SPATA18: variants seen among roughly 807,000 people sequenced by gnomAD.
The protein encoded by SPATA18 is mitochondria-eating protein.
SPATA18 carries 54 observed loss-of-function variants against 68.1 expected under a neutral mutation model. The ratio of observed to expected loss-of-function variants is 0.79; its 90% CI spans 0.64 to 0.99. SPATA18 has a LOEUF of 0.99. Ranked by LOEUF, SPATA18 falls within the 50% of genes least tolerant of loss-of-function variation. The pLI is 0.00. For synonymous variants in SPATA18, 242 were observed against 244.8 expected (o/e 0.99, Z 0.11); for missense variants, 724 against 681.1 (o/e 1.06, Z -0.70).
At chr4:52,063,719 A>G (rs1413522045) in intron 4 of SPATA18, among the ~76,000 whole-genome samples, 1 of 151,492 alleles carries the variant, frequency 6.6e-6, no homozygotes, top group Non-Finnish European at 1.5e-5. Flanking sequence ...ATGCTTGTAT[A>G]CTCTCCTGGT....
In SPATA18 at chr4:52,078,889, T is replaced by C. The variant is rs1319852406; in HGVS notation, c.1175T>C (p.Val392Ala). The C allele has an allele frequency of 6.3e-7, 1 of 1,576,012 alleles. No homozygotes were observed. Among genetic ancestry groups the C allele is most frequent in the Non-Finnish European group, 8.7e-7 (1 of 1,150,702 alleles). ...HLDLYDSQSS[V>A]NDVIRAMNVN... ...GATCTATATGATTCTCAAAGCAGTGTCAATGTAAGTGTTGAGTCTTTTATT... is the reference window on the plus strand; with the variant it reads ...GATCTATATGATTCTCAAAGCAGTGCCAATGTAAGTGTTGAGTCTTTTATT... The change falls in exon 8 of 13, where the codon GTC becomes GCC. Residue 392 changes from valine (V) to alanine (A), a missense_variant. Physicochemically the swap from Val to Ala is moderately conservative, Grantham distance 64. Transcript: ENST00000295213.
chr4:52,059,649 G>T (rs780223071), intron 1 of SPATA18, among the ~76,000 whole-genome samples: 11 of 152,242 alleles, frequency 7.2e-5, no homozygotes, highest in Non-Finnish European at 4.4e-5. Flanking sequence ...CTTGGGTAGA[G>T]CTTGCGCTCA....
chr4:52,053,438 T>C (rs528391788), intron 1 of SPATA18, among the ~76,000 whole-genome samples: 2 of 152,298 alleles, frequency 1.3e-5, no homozygotes, highest in South Asian at 2.1e-4. Context: ...CATTATCACA[T>C]TGGAATGTTG....
chr4:52,054,814 T>G (rs1738196360), intron 1 of SPATA18, among the ~76,000 whole-genome samples: 1 of 151,102 alleles, frequency 6.6e-6, no homozygotes, highest in Non-Finnish European at 1.5e-5. Flanking sequence ...GGTCAGTGAG[T>G]TGCAATTGTT....
At chr4:52,072,275 G>T in intron 6 of SPATA18, 119 bp downstream of exon 6, 1 of 1,447,370 alleles carries the variant, frequency 6.9e-7, no homozygotes, top group South Asian at 1.4e-5. Flanking sequence ...TCAGCAATCT[G>T]CCAAGCTTTG....
At chr4:52,082,849 T>G (rs1404958784) in intron 10 of SPATA18, 1 of 985,282 alleles carries the variant, frequency 1.0e-6, no homozygotes, top group Admixed American at 6.2e-5. Context: ...CCTAAGCACT[T>G]AAAATCAATT....
At chr4:52,087,865 T>G (rs1331817390) in intron 11 of SPATA18, among the ~76,000 whole-genome samples, 7 of 152,208 alleles carry the variant, frequency 4.6e-5, no homozygotes, top group African/African-American at 1.7e-4. Flanking sequence ...TTGGACAGTA[T>G]GGCCATTTTC....
At chr4:52,054,209 C>G (rs1219671628) in intron 1 of SPATA18, among the ~76,000 whole-genome samples, 1 of 152,214 alleles carries the variant, frequency 6.6e-6, no homozygotes, top group African/African-American at 2.4e-5. Context: ...TAGCCACATG[C>G]AGCTCATGGC....
rs756125099 is a variant in SPATA18 at position 52,097,262 on chromosome 4, G to C, written c.*2375G>C. On this transcript the variant is annotated 3_prime_UTR_variant, in exon 13 of 13. Transcript: ENST00000295213. ...TTAAAAAGTGCTTTTGTAACTATTAGTTATTTGCAATAAAATGCTTTCCTT... is the reference window on the plus strand; with the variant it reads ...TTAAAAAGTGCTTTTGTAACTATTACTTATTTGCAATAAAATGCTTTCCTT... The C allele has an allele frequency of 1.3e-5, 2 of 152,110 alleles. No homozygotes were observed. The highest frequency in any genetic ancestry group is 2.9e-5 in the Non-Finnish European group (2 of 68,014). The allele number at this position is 152,110 out of a possible 1,614,324, so 9.4% of individuals were successfully genotyped here.
intron 12 of SPATA18, 55 bp from the exon 13 acceptor site, chr4:52,094,824 CA>C: frequency 1.2e-6 from 2 of 1,609,734 alleles, no homozygotes; most frequent in Non-Finnish European, 1.7e-6. Context: ...TAGGTGCTTC[CA>C]AAAGAAAATC....
chr4:52,062,312 A>T lies in SPATA18; in HGVS notation c.402A>T (p.Gln134His). 6.2e-7 allele frequency: 1 copy of T among 1,610,268 alleles called. No homozygotes were observed. The highest frequency in any genetic ancestry group is 8.5e-7 in the Non-Finnish European group (1 of 1,177,556). The change falls in exon 4 of 13, where the codon CAA becomes CAT. Residue 134 changes from glutamine (Q) to histidine (H), a missense_variant. By Grantham distance (24) the Gln-to-His change is conservative. Transcript: ENST00000295213. Reference sequence around the variant, plus strand: ...CTAATTTGAACTCAACCCGGAGTCAATGCAACCAGGTTCAAGACGAGTAAG... The same window carrying T: ...CTAATTTGAACTCAACCCGGAGTCATTGCAACCAGGTTCAAGACGAGTAAG... ...LDSNLNSTRS[Q>H]CNQVQDDLVE...
intron 9 of SPATA18, among the ~76,000 whole-genome samples, chr4:52,081,707 T>G (rs1740932515): frequency 6.6e-6 from 1 of 152,232 alleles, no homozygotes; most frequent in South Asian, 2.1e-4. Context: ...ATATCTCCTC[T>G]ATTTGTGAAA....
rs78758946 is a variant in SPATA18 at position 52,094,487 on chromosome 4, G to A, written c.1564-40G>A. On this transcript the variant is annotated intron_variant, in intron 11 of 12. Transcript: ENST00000295213. ...CAAAAGAATTCATCCTTTGAGCTCC[G>A]TCTACTATGTAATTCACATTATTCT... 1,161 of 1,591,494 alleles carry A rather than the reference G, an allele frequency of 7.3e-4. 3 individuals are homozygous for A. The highest frequency in any genetic ancestry group is 7.6e-4 in the Non-Finnish European group (881 of 1,160,710).
intron 10 of SPATA18, among the ~76,000 whole-genome samples, chr4:52,084,368 A>G (rs974358086): frequency 6.6e-6 from 1 of 152,188 alleles, no homozygotes; most frequent in African/African-American, 2.4e-5. Context: ...TGGAAAAGAA[A>G]GGGGTTGAAG....
rs758217095 is a variant in SPATA18 at position 52,082,426 on chromosome 4, A to C, written c.1395A>C (p.Leu465Phe). ...RSYDSDFTAPLVLYHVWPALM... is the reference protein window; with the variant it reads ...RSYDSDFTAPFVLYHVWPALM... Reference sequence around the variant, plus strand: ...ACGACTCGGATTTCACTGCTCCCTTAGTCCTCTATCACGTGTGGCCTGCTC... The same window carrying C: ...ACGACTCGGATTTCACTGCTCCCTTCGTCCTCTATCACGTGTGGCCTGCTC... Residue 465 changes from leucine to phenylalanine, a missense_variant, in exon 10 of 13, where the codon TTA becomes TTC. By Grantham distance (22) the Leu-to-Phe change is conservative. Coordinates refer to ENST00000295213, the MANE Select transcript of SPATA18 (RefSeq NM_145263.4). The C allele has an allele frequency of 2.7e-5, 44 of 1,613,996 alleles. No homozygotes were observed. The highest frequency in any genetic ancestry group is 3.5e-5 in the Non-Finnish European group (41 of 1,180,002).
intron 6 of SPATA18, among the ~76,000 whole-genome samples, chr4:52,072,677 A>AT (rs1323951799): frequency 6.6e-6 from 1 of 152,154 alleles, no homozygotes; most frequent in African/African-American, 2.4e-5. Flanking sequence ...AAGTGCTGGG[A>AT]TTACAGGCAT....
At position 52,051,508 on chromosome 4, in the gene SPATA18, C is replaced by T. The variant is rs1737865342; in HGVS notation, c.-197C>T. The T allele has an allele frequency of 3.4e-6, 2 of 594,588 alleles. No individual in the cohort carries two copies. The highest frequency in any genetic ancestry group is 2.1e-5 in the South Asian group (1 of 47,604). 36.8% of individuals were successfully genotyped at this position (594,588 alleles called of 1,614,324 possible). On this transcript the variant is annotated 5_prime_UTR_variant, in exon 1 of 13. Transcript: ENST00000295213. Reference sequence around the variant, plus strand: ...GGCGGATGAGGCGCGGCGGCTGCGGCCCAGGGCACCTCCCCTCTGGCTTCC... The same window carrying T: ...GGCGGATGAGGCGCGGCGGCTGCGGTCCAGGGCACCTCCCCTCTGGCTTCC...
chr4:52,082,703 C>T (rs574782753), intron 10 of SPATA18, 193 bp downstream of exon 10: 1 of 1,431,726 alleles, frequency 7.0e-7, no homozygotes, highest in African/African-American at 1.4e-5. Context: ...TGCATAATTT[C>T]CTGGCAGTAA....
chr4:52,076,969 G>C lies in SPATA18; in HGVS notation c.949G>C (p.Ala317Pro), dbSNP rs1398368252. The C allele has an allele frequency of 3.7e-6, 6 of 1,613,888 alleles. No individual in the cohort carries two copies. Among genetic ancestry groups the C allele is most frequent in the Non-Finnish European group, 5.1e-6 (6 of 1,179,978 alleles). Residue 317 changes from alanine to proline, a missense_variant, in exon 7 of 13, where the codon GCG becomes CCG. By Grantham distance (27) the Ala-to-Pro change is conservative (BLOSUM62 -1). Coordinates refer to ENST00000295213, the MANE Select transcript of SPATA18 (RefSeq NM_145263.4). ...TTCCTATTCCCAGGCCCGCCTGGAC[G>C]CGCAGTGCCTGCTGCGGCGCTGCAT... Reference protein sequence around the residue: ...SDSYSQARLDAQCLLRRCIDK... With the variant: ...SDSYSQARLDPQCLLRRCIDK...
Sources: allele counts gnomAD v4.1 joint callset (sites outside exome capture counted in the v4.1 genomes callset), GRCh38; gene constraint gnomAD v4.1.1; transcripts MANE v1.5; gene names NCBI Gene and HGNC (gene_info 2026-07-23, HGNC 2026-07-21).